The following DIAPH2 variants were observed in gnomAD, a reference collection of about 807,000 sequenced individuals.
The protein encoded by DIAPH2 is protein diaphanous homolog 2.
A neutral mutation model predicts 92.7 loss-of-function variants in DIAPH2; 35 were observed. The observed-to-expected ratio is 0.38, with a 90% CI of 0.29 to 0.50. The LOEUF is 0.50. Ranked by LOEUF, DIAPH2 falls within the 20% of genes least tolerant of loss-of-function variation. The probability of loss-of-function intolerance (pLI) is 0.94; values close to 1 mark genes in which losing one functional copy is unlikely to be tolerated. For missense variants in DIAPH2, 701 were observed against 819.5 expected, an observed-to-expected ratio of 0.86 and a Z score of 1.77; for synonymous variants, 301 against 280.4, an observed-to-expected ratio of 1.07 and a Z score of -0.73.
intron 26 of DIAPH2, among the ~76,000 whole-genome samples, chrX:97,574,521 G>A (rs780324271): frequency 4.5e-5 from 5 of 111,257 alleles, no homozygotes; most frequent in African/African-American, 9.8e-5. Context: ...AAGATAGATC[G>A]CACAGGGACA....
At chrX:97,309,409 AT>A (rs1205337574) in intron 23 of DIAPH2, among the ~76,000 whole-genome samples, 1 of 111,245 alleles carries the variant, frequency 9.0e-6, no homozygotes, top group Non-Finnish European at 1.9e-5. Flanking sequence ...CCAATTTTAC[AT>A]TTTTTATACC....
At chrX:96,709,247 T>A (rs1156553708) in intron 1 of DIAPH2, among the ~76,000 whole-genome samples, 1 of 112,222 alleles carries the variant, frequency 8.9e-6, no homozygotes, top group Non-Finnish European at 1.9e-5. Context: ...TTGCATTTGT[T>A]CCCAAACCTA....
rs1368057646 is a variant in DIAPH2, at chrX:96,995,070, A to G, written c.2050+29863A>G. On this transcript the variant is annotated intron_variant, in intron 17 of 26. Coordinates refer to ENST00000324765, the MANE Select transcript of DIAPH2 (RefSeq NM_006729.5). ...AGAGCAGCCAGCAAAGAAAATGCCA[A>G]CAAAGAAGTGGCAAAATGAAGAACA... Among the ~76,000 whole-genome samples the G allele has an allele frequency of 1.3e-4, 15 of 112,004 alleles. No individual in the cohort carries two copies. The Admixed American group carries it at 1.4e-3, about 11-fold the overall frequency.
Position 97,505,649 on chromosome X carries a change from C to A in DIAPH2, c.3241+75904C>A, listed in dbSNP as rs1225376734. Among the ~76,000 whole-genome samples the A allele has an allele frequency of 4.2e-5, 4 of 94,911 alleles. No individual in the cohort carries two copies. In the Admixed American group the frequency reaches 4.7e-4, roughly 11 times the overall value. The allele number at this position is 94,911 out of a possible 115,157, so 82.4% of individuals were successfully genotyped here. A position where few individuals can be genotyped will look rare whatever the true frequency, so the allele number is the denominator to read the frequency against. On this transcript the variant is annotated intron_variant, in intron 26 of 26. Transcript: ENST00000324765. ...GCATAATGCAGCAAATGAGGTAGGG[C>A]TTTTTTTTTTTTTTAACTCATCAAT...
At chrX:97,062,663 A>G (rs1411377059) in intron 17 of DIAPH2, among the ~76,000 whole-genome samples, 1 of 111,510 alleles carries the variant, frequency 9.0e-6, no homozygotes, top group Non-Finnish European at 1.9e-5. Context: ...GTCTTTTTAC[A>G]TTTCCAAAAT....
At chrX:97,349,082 A>T (rs1247248282) in intron 24 of DIAPH2, among the ~76,000 whole-genome samples, 1,924 of 86,050 alleles carry the variant, frequency 0.022, 27 homozygotes, top group African/African-American at 0.059. Context: ...ATATATATAT[A>T]TTTTTTTTTT....
chrX:97,238,677 A>G (rs2068068327), intron 22 of DIAPH2, among the ~76,000 whole-genome samples: 1 of 110,622 alleles, frequency 9.0e-6, no homozygotes, highest in Non-Finnish European at 1.9e-5. Flanking sequence ...TTAAAGGCCA[A>G]AGAAGCTCAC....
chrX:97,358,418 T>C (rs184211944), intron 24 of DIAPH2, among the ~76,000 whole-genome samples: 206 of 111,110 alleles, frequency 1.9e-3, no homozygotes, highest in African/African-American at 6.6e-3. Flanking sequence ...CCTCCCACAA[T>C]AAATAAATAT....
intron 22 of DIAPH2, among the ~76,000 whole-genome samples, chrX:97,185,411 G>GTA (rs1404623784): frequency 3.0e-4 from 8 of 26,652 alleles, no homozygotes; most frequent in Admixed American, 5.3e-4. Context: ...ATATATATAT[G>GTA]TATATATATA....
At chrX:96,878,611 A>G (rs911711879) in intron 4 of DIAPH2, among the ~76,000 whole-genome samples, 1 of 111,797 alleles carries the variant, frequency 8.9e-6, no homozygotes, top group African/African-American at 3.3e-5. Flanking sequence ...CCTAAATTTT[A>G]TAATTTAAGC....
intron 17 of DIAPH2, among the ~76,000 whole-genome samples, chrX:96,991,374 T>G (rs905862577): frequency 9.1e-6 from 1 of 110,225 alleles, no homozygotes; most frequent in South Asian, 3.9e-4. Flanking sequence ...TGCCTCGCCC[T>G]CCCAAAGTGC....
chrX:96,772,058 G>A (rs2064342675), intron 4 of DIAPH2, among the ~76,000 whole-genome samples: 1 of 110,456 alleles, frequency 9.1e-6, no homozygotes, highest in Admixed American at 9.7e-5. Context: ...AGTTAGCTTA[G>A]CTACTGTATA....
intron 25 of DIAPH2, among the ~76,000 whole-genome samples, chrX:97,414,381 TG>T (rs1411935945): frequency 8.9e-6 from 1 of 111,966 alleles, no homozygotes; most frequent in Non-Finnish European, 1.9e-5. Flanking sequence ...CCAGGCATGG[TG>T]GCTGACGCCT....
intron 4 of DIAPH2, among the ~76,000 whole-genome samples, chrX:96,880,023 C>T (rs1047981994): frequency 1.8e-5 from 2 of 111,739 alleles, no homozygotes; most frequent in Admixed American, 1.9e-4. Context: ...GCCACCGTCC[C>T]CGGCCCATCC....
chrX:97,523,678 C>T (rs139918160), intron 26 of DIAPH2, among the ~76,000 whole-genome samples: 1,515 of 111,641 alleles, frequency 0.014, 22 homozygotes, highest in African/African-American at 0.046. Flanking sequence ...AGTAAATTTA[C>T]GATAGTTTCA....
chrX:97,408,246 G>A (rs1027901129), intron 25 of DIAPH2, among the ~76,000 whole-genome samples: 3 of 111,514 alleles, frequency 2.7e-5, no homozygotes, highest in Non-Finnish European at 5.7e-5. Flanking sequence ...AATTGGGAAA[G>A]CTATATTTTC....
At chrX:97,064,775 C>T (rs2066622642) in intron 17 of DIAPH2, among the ~76,000 whole-genome samples, 1 of 109,905 alleles carries the variant, frequency 9.1e-6, no homozygotes. Context: ...GGGTTATGCT[C>T]AGCATCTCCA....
In DIAPH2 at chrX:97,553,266, A is replaced by G. The variant is rs1409791586; in HGVS notation, c.3242-45987A>G. Among the ~76,000 whole-genome samples the G allele has an allele frequency of 1.1e-4, 8 of 71,907 alleles. 1 individual carries two copies. Among genetic ancestry groups the G allele is most frequent in the Admixed American group, 4.6e-4 (3 of 6,586 alleles). The allele number at this position is 71,907 out of a possible 115,157, so 62.4% of individuals were successfully genotyped here. The stretch of plus-strand genomic sequence containing the variant: ...TGTGAAATGAATTGCTTCAAAATAC[A>G]CCCTAATTAATTAAATATTCACAAC... On this transcript the variant is annotated intron_variant, in intron 26 of 26. Coordinates refer to ENST00000324765, the MANE Select transcript of DIAPH2 (RefSeq NM_006729.5).
At chrX:97,365,124 C>T (rs2069367701) in intron 24 of DIAPH2, among the ~76,000 whole-genome samples, 1 of 111,248 alleles carries the variant, frequency 9.0e-6, no homozygotes, top group Non-Finnish European at 1.9e-5. Flanking sequence ...GCAGTTAAAA[C>T]TCAAGAGACT....
Sources: allele counts gnomAD v4.1 joint callset (sites outside exome capture counted in the v4.1 genomes callset), GRCh38; gene constraint gnomAD v4.1.1; transcripts MANE v1.5; gene names NCBI Gene and HGNC (gene_info 2026-07-23, HGNC 2026-07-21).